The following COX5A variants were observed in gnomAD, a reference collection of about 807,000 sequenced individuals.
The protein encoded by COX5A is cytochrome c oxidase subunit 5A.
In COX5A, 6 loss-of-function variants were observed where a neutral mutation model predicts 16.1. The observed-to-expected ratio is 0.37, with a 90% CI of 0.20 to 0.73. The LOEUF (loss-of-function observed/expected upper bound fraction) is 0.73, where lower values mean the gene tolerates loss of function less well. COX5A is among the 30% of genes least tolerant of loss of function. COX5A has a pLI of 0.50. For synonymous variants in COX5A, 73 were observed against 73.8 expected (o/e 0.99, Z 0.06); for missense variants, 159 against 194.9 (o/e 0.82, Z 1.10).
chr15:74,934,266 T>A (rs997620563), intron 1 of COX5A, among the ~76,000 whole-genome samples: 1 of 151,644 alleles, frequency 6.6e-6, no homozygotes, highest in Non-Finnish European at 1.5e-5. Flanking sequence ...TTAAAATAAA[T>A]AAAAATTTAA....
chr15:74,921,625 G>A (rs1012588399), intron 4 of COX5A, among the ~76,000 whole-genome samples: 3 of 152,054 alleles, frequency 2.0e-5, no homozygotes, highest in African/African-American at 7.2e-5. Context: ...AGCTACTAGG[G>A]AGGCTGAGGC....
rs2065326454 is a variant in COX5A, at chr15:74,922,682, T to C, written c.*9+966A>G. ...GTTGAGTCTTTTTTTTTTTTTTTTT[T>C]TGAGACAGAGTCTCACTCTGTCACC... is the stretch of plus-strand genomic sequence containing the variant. On this transcript the variant is annotated intron_variant, in intron 4 of 4. Transcript: ENST00000322347. Among the ~76,000 whole-genome samples the C allele has an allele frequency of 2.7e-5, 4 of 150,678 alleles. No homozygotes were observed. In the South Asian group the frequency reaches 8.5e-4, roughly 32 times the overall value.
rs1352894554 is a variant in COX5A at position 74,919,933 on chromosome 15, CT to C, written c.*518del. The stretch of plus-strand genomic sequence containing the variant: ...AAGAGAGGAACACACCGTAAGAGGG[CT>C]TGGCTACTGCATAGCACATCCTCAA... On this transcript the variant is annotated 3_prime_UTR_variant, in exon 5 of 5. Coordinates refer to ENST00000322347, the MANE Select transcript of COX5A (RefSeq NM_004255.4). 1.8e-5 allele frequency: 3 copies of C among 162,392 alleles called. No homozygotes were observed. The highest frequency in any genetic ancestry group is 7.2e-5 in the African/African-American group (3 of 41,600). 10.1% of individuals were successfully genotyped at this position (162,392 alleles called of 1,614,324 possible). A position where few individuals can be genotyped will look rare whatever the true frequency, so the allele number is the denominator to read the frequency against.
At chr15:74,925,929 G>A (rs902015612) in intron 3 of COX5A, among the ~76,000 whole-genome samples, 2 of 145,038 alleles carry the variant, frequency 1.4e-5, no homozygotes, top group Admixed American at 6.9e-5. Flanking sequence ...GCAATGGTGC[G>A]ATCTCAGCTC....
At chr15:74,932,562 T>A (rs2065372153) in intron 1 of COX5A, among the ~76,000 whole-genome samples, 1 of 152,070 alleles carries the variant, frequency 6.6e-6, no homozygotes, top group African/African-American at 2.4e-5. Context: ...TTTAATGCAG[T>A]AACTGGCAGG....
chr15:74,922,346 T>C (rs2065324881), intron 4 of COX5A, among the ~76,000 whole-genome samples: 1 of 150,890 alleles, frequency 6.6e-6, no homozygotes, highest in South Asian at 2.1e-4. Flanking sequence ...GATCATGCCA[T>C]TGCACTCCAG....
intron 1 of COX5A, among the ~76,000 whole-genome samples, chr15:74,931,432 C>A (rs541625479): frequency 6.6e-6 from 1 of 151,592 alleles, no homozygotes; most frequent in African/African-American, 2.4e-5. Flanking sequence ...ACCCAGGAGG[C>A]GGAGGTTGAG....
At chr15:74,921,244 T>TA (rs1166412909) in intron 4 of COX5A, among the ~76,000 whole-genome samples, 1 of 148,722 alleles carries the variant, frequency 6.7e-6, no homozygotes, top group Non-Finnish European at 1.5e-5. Context: ...CCGTCTCTAC[T>TA]AAAAATACAA....
chr15:74,929,051 T>A, intron 2 of COX5A, 65 bp downstream of exon 2: 1 of 1,140,236 alleles, frequency 8.8e-7, no homozygotes, highest in Non-Finnish European at 1.3e-6. Flanking sequence ...TTGCTCTCAA[T>A]AAAGGAGCAG....
intron 1 of COX5A, 106 bp downstream of exon 1, chr15:74,937,809 G>A: frequency 7.4e-6 from 5 of 679,078 alleles, no homozygotes; most frequent in Non-Finnish European, 1.0e-5. Flanking sequence ...CAGTAACCAG[G>A]GTAGGGCAAG....
chr15:74,931,016 C>CAAA (rs61417867), intron 1 of COX5A, among the ~76,000 whole-genome samples: 1,619 of 23,726 alleles, frequency 0.068, 251 homozygotes, highest in African/African-American at 0.12. Flanking sequence ...GACTCTGTCT[C>CAAA]AAAAAAAAAA....
At chr15:74,935,045 G>A (rs940761266) in intron 1 of COX5A, among the ~76,000 whole-genome samples, 10 of 152,224 alleles carry the variant, frequency 6.6e-5, no homozygotes, top group East Asian at 1.9e-4. Context: ...TAGTTAAATC[G>A]GATAGTTTTC....
rs1566981937 is a variant in COX5A, at chr15:74,933,421, ATCTATCTATCTATCTATC to A, written c.101-4207_101-4190del. On this transcript the variant is annotated intron_variant, in intron 1 of 4. Coordinates refer to ENST00000322347, the MANE Select transcript of COX5A (RefSeq NM_004255.4). ...AAGACTCCGTCTCAAAAAAAAAAAT[ATCTATCTATCTATCTATC>A]TATCTATCTATCTATCTATCTATCT... Among the ~76,000 whole-genome samples the A allele has an allele frequency of 1.2e-4, 7 of 57,714 alleles. No individual in the cohort carries two copies. In the East Asian group the frequency reaches 0.01, roughly 85 times the overall value. The allele number at this position is 57,714 out of a possible 152,430, so 37.9% of individuals were successfully genotyped here.
Position 74,923,641 on chromosome 15 carries a change from C to G in COX5A, c.*9+7G>C. The G allele has an allele frequency of 6.6e-7, 1 of 1,514,000 alleles. No individual in the cohort carries two copies. The highest frequency in any genetic ancestry group is 9.2e-7 in the Non-Finnish European group (1 of 1,090,678). The allele number at this position is 1,514,000 out of a possible 1,614,324, so 93.8% of individuals were successfully genotyped here. On this transcript the variant is annotated splice_region_variant and intron_variant, in intron 4 of 4. Coordinates refer to ENST00000322347, the MANE Select transcript of COX5A (RefSeq NM_004255.4). ...TTTCCTGCCTTCTTCAGTGGTTTGT[C>G]GCTTACCCATGCGGTTTACACTTTG...
At chr15:74,932,100 G>T (rs2065370049) in intron 1 of COX5A, among the ~76,000 whole-genome samples, 1 of 152,214 alleles carries the variant, frequency 6.6e-6, no homozygotes, top group Admixed American at 6.6e-5. Flanking sequence ...CCCCTTAGCA[G>T]ATTATGAAGA....
At chr15:74,920,573 C>T in intron 4 of COX5A, 131 bp from the exon 5 acceptor site, 1 of 594,186 alleles carries the variant, frequency 1.7e-6, no homozygotes, top group Non-Finnish European at 2.9e-6. Context: ...CTTACTTAAT[C>T]CTGCCTACTG....
chr15:74,920,833 C>T (rs1480527351), intron 4 of COX5A, among the ~76,000 whole-genome samples: 1 of 151,902 alleles, frequency 6.6e-6, no homozygotes, highest in African/African-American at 2.4e-5. Flanking sequence ...AAAAAATTAG[C>T]CTGGTGTGGT....
intron 4 of COX5A, among the ~76,000 whole-genome samples, chr15:74,923,225 A>C (rs1337382484): frequency 1.3e-5 from 2 of 151,952 alleles, no homozygotes; most frequent in African/African-American, 4.8e-5. Context: ...GGGGTTTGAG[A>C]CCAGCCTGGC....
At chr15:74,934,114 T>G (rs118097489) in intron 1 of COX5A, among the ~76,000 whole-genome samples, 2 of 152,182 alleles carry the variant, frequency 1.3e-5, no homozygotes, top group East Asian at 3.9e-4. Flanking sequence ...CTTAAAAAAT[T>G]AGCGGGGTTT....
Sources: gnomAD v4.1 joint callset for allele counts (sites outside exome capture counted in the v4.1 genomes callset) on GRCh38, gnomAD v4.1.1 for gene constraint, MANE v1.5 for transcripts, NCBI Gene and HGNC (gene_info 2026-07-23, HGNC 2026-07-21) for gene names.